Variants in PLB1 observed in about 807,000 individuals in gnomAD.
PLB1 encodes phospholipase B1.
In PLB1, 242 loss-of-function variants were observed where a neutral mutation model predicts 227.4. That is an observed-to-expected ratio of 1.06 (90% confidence interval 0.96 to 1.18). The LOEUF (loss-of-function observed/expected upper bound fraction) is 1.18. Ranked by LOEUF, PLB1 falls within the 50% of genes most tolerant of loss-of-function variation. PLB1 has a pLI of 0.00. For missense variants in PLB1, 1,858 were observed against 1,816.3 expected, an observed-to-expected ratio of 1.02 and a Z score of -0.42; for synonymous variants, 757 against 682.2, an observed-to-expected ratio of 1.11 and a Z score of -1.71.
At chr2:28,517,583 C>T (rs1669001048) in intron 2 of PLB1, among the ~76,000 whole-genome samples, 1 of 151,978 alleles carries the variant, frequency 6.6e-6, no homozygotes, top group African/African-American at 2.4e-5. Context: ...AACATAATGC[C>T]TCATATACTT....
intron 53 of PLB1, among the ~76,000 whole-genome samples, chr2:28,629,468 C>T (rs1009737049): frequency 1.3e-5 from 2 of 152,200 alleles, no homozygotes; most frequent in Non-Finnish European, 2.9e-5. Flanking sequence ...CAAGGCAAAC[C>T]TTGGCACGCT....
intron 16 of PLB1, 115 bp from the exon 17 acceptor site, chr2:28,552,813 C>T (rs560389545): frequency 9.5e-5 from 77 of 811,408 alleles, no homozygotes; most frequent in Non-Finnish European, 1.6e-4. Context: ...TCTTAAATGA[C>T]ATCAAAGTTT....
rs570130184 is a variant in PLB1 at position 28,569,025 on chromosome 2, G to T, written c.1324+2186G>T. On this transcript the variant is annotated intron_variant, in intron 20 of 57. Transcript: ENST00000327757. ...CCTTTTTTCTCTTGAATAGAAATCG[G>T]AGCAATTTCCATTTATTAGTGTAAT... Among the ~76,000 whole-genome samples, 5 of 152,228 alleles carry T rather than the reference G, an allele frequency of 3.3e-5. No homozygotes were observed. In the South Asian group the frequency reaches 1.0e-3, roughly 32 times the overall value.
At chr2:28,504,517 C>T (rs946190284) in intron 1 of PLB1, among the ~76,000 whole-genome samples, 8 of 152,188 alleles carry the variant, frequency 5.3e-5, no homozygotes, top group Admixed American at 2.0e-4. Flanking sequence ...CTGAGGCAGG[C>T]AGATCACTTG....
chr2:28,622,076 T>C (rs1687126937), intron 49 of PLB1, among the ~76,000 whole-genome samples: 2 of 152,242 alleles, frequency 1.3e-5, no homozygotes, highest in African/African-American at 2.4e-5. Context: ...GTATCTCTGA[T>C]GTCCAATGTT....
intron 46 of PLB1, among the ~76,000 whole-genome samples, chr2:28,619,855 G>A (rs1686766445): frequency 6.6e-6 from 1 of 152,166 alleles, no homozygotes; most frequent in Non-Finnish European, 1.5e-5. Flanking sequence ...GAAGGTAAGG[G>A]AGACTCATTG....
intron 35 of PLB1, among the ~76,000 whole-genome samples, chr2:28,600,330 C>T (rs1248948219): frequency 6.6e-6 from 1 of 152,126 alleles, no homozygotes; most frequent in East Asian, 1.9e-4. Flanking sequence ...AAATCGCAGC[C>T]ATTGGAGGAA....
At chr2:28,545,439 C>T (rs993834061) in intron 14 of PLB1, among the ~76,000 whole-genome samples, 14 of 152,186 alleles carry the variant, frequency 9.2e-5, no homozygotes, top group South Asian at 6.2e-4. Flanking sequence ...CTCCTGCAGA[C>T]CCGAATTCAG....
chr2:28,560,409 T>G (rs968521057), intron 17 of PLB1, among the ~76,000 whole-genome samples: 26 of 152,278 alleles, frequency 1.7e-4, no homozygotes, highest in African/African-American at 6.0e-4. Context: ...CACTTTCTTA[T>G]GTGTATAAGG....
At chr2:28,577,090 C>T (rs555856704) in intron 21 of PLB1, among the ~76,000 whole-genome samples, 2 of 152,322 alleles carry the variant, frequency 1.3e-5, no homozygotes, top group South Asian at 4.1e-4. Context: ...TTAATTTCCC[C>T]AACAACTCTG....
chr2:28,635,680 C>T (rs536210505), intron 56 of PLB1, among the ~76,000 whole-genome samples: 4 of 152,372 alleles, frequency 2.6e-5, no homozygotes, highest in African/African-American at 9.6e-5. Context: ...CCTCCTCTCA[C>T]GTCCTTCTCG....
chr2:28,615,386 C>T (rs75867634), intron 44 of PLB1, among the ~76,000 whole-genome samples: 3 of 152,288 alleles, frequency 2.0e-5, no homozygotes, highest in East Asian at 1.9e-4. Flanking sequence ...ATCTGGTTCA[C>T]GTCTTTCAAA....
chr2:28,625,901 C>A (rs375269861), intron 50 of PLB1, among the ~76,000 whole-genome samples: 5 of 150,814 alleles, frequency 3.3e-5, no homozygotes, highest in African/African-American at 1.2e-4. Context: ...CCCCGTCCCC[C>A]GCCAGCGCCC....
intron 41 of PLB1, 84 bp downstream of exon 41, chr2:28,604,843 C>A: frequency 4.0e-6 from 5 of 1,256,640 alleles, no homozygotes; most frequent in Non-Finnish European, 5.7e-6. Context: ...CGAGCATGTG[C>A]ATAAAATGGG....
At position 28,591,266 on chromosome 2, in the gene PLB1, C is replaced by T; in HGVS notation, c.2127+95C>T. 2.6e-6 allele frequency: 4 copies of T among 1,514,878 alleles called. No individual in the cohort carries two copies. In the South Asian group the frequency reaches 4.5e-5, roughly 17 times the overall value. The allele number at this position is 1,514,878 out of a possible 1,614,324, so 93.8% of individuals were successfully genotyped here. On this transcript the variant is annotated intron_variant, in intron 30 of 57. Transcript: ENST00000327757. ...CAACAGGACAGGGTGGGAAAGCGGG[C>T]AAGAGTTCTAGATGGGCATAAAGGC...
intron 14 of PLB1, among the ~76,000 whole-genome samples, chr2:28,545,136 C>T (rs1673046687): frequency 6.6e-6 from 1 of 152,158 alleles, no homozygotes; most frequent in South Asian, 2.1e-4. Flanking sequence ...ACCCTCAAGG[C>T]CAAAGGCCTG....
chr2:28,596,510 CTATGTT>C (rs1429448712), intron 33 of PLB1, among the ~76,000 whole-genome samples: 2 of 152,110 alleles, frequency 1.3e-5, no homozygotes, highest in Non-Finnish European at 1.5e-5. Context: ...GTTTGTGTGT[CTATGTT>C]TATATCTTTA....
At chr2:28,522,007 G>A (rs985365575) in intron 4 of PLB1, among the ~76,000 whole-genome samples, 1 of 151,886 alleles carries the variant, frequency 6.6e-6, no homozygotes, top group Non-Finnish European at 1.5e-5. Context: ...ACCACTCCAT[G>A]CACAGTGCCA....
chr2:28,512,533 T>G (rs1668400385), intron 1 of PLB1, among the ~76,000 whole-genome samples: 1 of 152,226 alleles, frequency 6.6e-6, no homozygotes, highest in African/African-American at 2.4e-5. Flanking sequence ...TAGACATGTT[T>G]GATCAAACAT....
Sources: gnomAD v4.1 joint callset for allele counts (sites outside exome capture counted in the v4.1 genomes callset) on GRCh38, gnomAD v4.1.1 for gene constraint, MANE v1.5 for transcripts, NCBI Gene and HGNC (gene_info 2026-07-23, HGNC 2026-07-21) for gene names.